The following HDAC4 variants were observed in gnomAD, a reference collection of about 807,000 sequenced individuals.
HDAC4 encodes the protein histone deacetylase A.
In HDAC4, 16 loss-of-function variants were observed where a neutral mutation model predicts 135.1. The observed-to-expected ratio is 0.12, with a 90% CI of 0.08 to 0.18. The LOEUF is 0.18. HDAC4 is among the 10% of genes least tolerant of loss of function. The pLI is 1.00. For missense variants in HDAC4, 1,143 were observed against 1,511.8 expected, an observed-to-expected ratio of 0.76 and a Z score of 4.05; for synonymous variants, 685 against 653.4, an observed-to-expected ratio of 1.05 and a Z score of -0.74.
chr2:239,340,763 C>G (rs1275253846), intron 2 of HDAC4, among the ~76,000 whole-genome samples: 1 of 152,168 alleles, frequency 6.6e-6, no homozygotes, highest in Non-Finnish European at 1.5e-5. Context: ...GACATCTGTG[C>G]CCTGCAGTCC....
chr2:239,329,165 T>G (rs1046982379), intron 2 of HDAC4, among the ~76,000 whole-genome samples: 1 of 133,030 alleles, frequency 7.5e-6, no homozygotes, highest in Non-Finnish European at 1.6e-5. Flanking sequence ...TGCAGCTACC[T>G]CCCCACCAGC....
intron 2 of HDAC4, among the ~76,000 whole-genome samples, chr2:239,316,112 C>A (rs188776283): frequency 1.3e-5 from 2 of 152,168 alleles, no homozygotes; most frequent in African/African-American, 2.4e-5. Context: ...ACTGAAATAT[C>A]CTTCATCTAC....
chr2:239,277,794 C>T (rs1188006465), intron 2 of HDAC4, among the ~76,000 whole-genome samples: 6 of 152,240 alleles, frequency 3.9e-5, no homozygotes, highest in East Asian at 1.9e-4. Context: ...CAACTCCACC[C>T]GGGCCGGGAC....
At chr2:239,381,973 G>A (rs1416995023) in intron 1 of HDAC4, among the ~76,000 whole-genome samples, 1 of 152,206 alleles carries the variant, frequency 6.6e-6, no homozygotes, top group African/African-American at 2.4e-5. Flanking sequence ...ACTGGGCTTT[G>A]GAAGCCAGGG....
intron 11 of HDAC4, among the ~76,000 whole-genome samples, chr2:239,127,089 C>A (rs983607764): frequency 2.0e-5 from 3 of 152,172 alleles, no homozygotes; most frequent in Non-Finnish European, 4.4e-5. Flanking sequence ...AGAGGGCCAC[C>A]AGTGTGCTGA....
intron 7 of HDAC4, among the ~76,000 whole-genome samples, chr2:239,153,398 T>C (rs2042231430): frequency 6.6e-6 from 1 of 152,224 alleles, no homozygotes; most frequent in Admixed American, 6.5e-5. Context: ...TTTCAGTTCA[T>C]TCAAGGAACT....
At chr2:239,351,244 G>C (rs1390895456) in intron 2 of HDAC4, among the ~76,000 whole-genome samples, 3 of 152,144 alleles carry the variant, frequency 2.0e-5, no homozygotes, top group Non-Finnish European at 4.4e-5. Flanking sequence ...TGCCAATTTG[G>C]AATTGGTATA....
chr2:239,377,579 G>T (rs908225978), intron 1 of HDAC4, among the ~76,000 whole-genome samples: 1 of 152,214 alleles, frequency 6.6e-6, no homozygotes, highest in Non-Finnish European at 1.5e-5. Flanking sequence ...GACCTATGAT[G>T]TATCCTGCCT....
intron 24 of HDAC4, among the ~76,000 whole-genome samples, chr2:239,061,076 G>A (rs570064554): frequency 2.6e-5 from 4 of 152,254 alleles, no homozygotes; most frequent in African/African-American, 9.6e-5. Flanking sequence ...CCCTGTGCGC[G>A]CCACAATCGG....
rs1314902117 is a variant in HDAC4 at position 239,212,071 on chromosome 2, T to C, written c.95-21994A>G. Among the ~76,000 whole-genome samples the C allele has an allele frequency of 3.9e-5, 6 of 152,192 alleles. No individual in the cohort carries two copies. In the East Asian group the frequency reaches 1.2e-3, roughly 29 times the overall value. Reference sequence around the variant, plus strand: ...GAAGACTTTGCTCTAATGTGACCGATGGGAAGGTTGGGAAAACGATGTTCT... The same window carrying C: ...GAAGACTTTGCTCTAATGTGACCGACGGGAAGGTTGGGAAAACGATGTTCT... On this transcript the variant is annotated intron_variant, in intron 3 of 26. Transcript: ENST00000543185.
chr2:239,360,056 C>T (rs1369694795), intron 1 of HDAC4, among the ~76,000 whole-genome samples: 3 of 152,088 alleles, frequency 2.0e-5, no homozygotes, highest in East Asian at 3.9e-4. Flanking sequence ...GAAGCTCCAG[C>T]GAGTGAACGG....
intron 5 of HDAC4, among the ~76,000 whole-genome samples, chr2:239,165,363 G>A (rs1472151009): frequency 6.6e-6 from 1 of 152,216 alleles, no homozygotes; most frequent in East Asian, 1.9e-4. Flanking sequence ...AGGCATCACT[G>A]TGAGGCACCC....
rs371969287 is a variant in HDAC4 at position 239,204,535 on chromosome 2, G to A, written c.95-14458C>T. ...GATTCGGATCACGTCCAGTGAAACC[G>A]GCCCTTACAGTCTGCCATCTGCACT... On this transcript the variant is annotated intron_variant, in intron 3 of 26. Transcript: ENST00000543185. 2.0e-5 allele frequency among the ~76,000 whole-genome samples: 3 copies of A among 152,178 alleles called. No homozygotes were observed. In the East Asian group the frequency reaches 5.8e-4, roughly 29 times the overall value.
rs555451960 is a variant in HDAC4 at position 239,054,667 on chromosome 2, G to C, written c.3088+82C>G. The C allele has an allele frequency of 2.6e-5, 23 of 885,230 alleles. No homozygotes were observed. In the East Asian group the frequency reaches 4.8e-4, roughly 19 times the overall value. The allele number at this position is 885,230 out of a possible 1,614,324, so 54.8% of individuals were successfully genotyped here. ...GCAGTGGGATGGAGAAGAGCTGGGG[G>C]TATAGGGGGACAGGGATGGGGTGTG... On this transcript the variant is annotated intron_variant, in intron 25 of 26. Transcript: ENST00000543185.
intron 2 of HDAC4, among the ~76,000 whole-genome samples, chr2:239,277,153 A>G (rs1296841547): frequency 6.6e-6 from 1 of 152,248 alleles, no homozygotes; most frequent in Non-Finnish European, 1.5e-5. Context: ...CACCTGGTAT[A>G]GTGGGGTCCC....
chr2:239,067,519 CA>C (rs1015924009), intron 23 of HDAC4, among the ~76,000 whole-genome samples: 1 of 152,258 alleles, frequency 6.6e-6, no homozygotes, highest in African/African-American at 2.4e-5. Context: ...GAAACAGTGA[CA>C]GGGGCTTCGA....
At chr2:239,113,852 G>A (rs746803472) in intron 13 of HDAC4, among the ~76,000 whole-genome samples, 33 of 152,120 alleles carry the variant, frequency 2.2e-4, no homozygotes, top group African/African-American at 4.1e-4. Flanking sequence ...TTTGCCAAGC[G>A]TTAGTTCTGC....
At chr2:239,241,246 AG>A (rs1323934781) in intron 2 of HDAC4, among the ~76,000 whole-genome samples, 1 of 152,204 alleles carries the variant, frequency 6.6e-6, no homozygotes, top group Non-Finnish European at 1.5e-5. Flanking sequence ...CCCCACGCAC[AG>A]GCTCCTGAAC....
chr2:239,072,519 C>T (rs1376117946), intron 22 of HDAC4, among the ~76,000 whole-genome samples: 1 of 152,166 alleles, frequency 6.6e-6, no homozygotes, highest in Non-Finnish European at 1.5e-5. Flanking sequence ...ACGGCCTCCC[C>T]AGCACACGCG....
Sources: gnomAD v4.1 joint callset for allele counts (sites outside exome capture counted in the v4.1 genomes callset) on GRCh38, gnomAD v4.1.1 for gene constraint, MANE v1.5 for transcripts, NCBI Gene and HGNC (gene_info 2026-07-23, HGNC 2026-07-21) for gene names.